Variants in CTNND2 observed in about 807,000 individuals in gnomAD.
CTNND2 encodes catenin delta 2.
CTNND2 carries 22 observed loss-of-function variants against 144.4 expected under a neutral mutation model. The ratio of observed to expected loss-of-function variants is 0.15; its 90% CI spans 0.11 to 0.22. CTNND2 has a LOEUF of 0.22. Among genes scored for constraint, CTNND2 ranks in the 10% least tolerant of loss-of-function variants. CTNND2 has a pLI of 1.00. For synonymous variants in CTNND2, 751 were observed against 695.6 expected, an observed-to-expected ratio of 1.08 and a Z score of -1.25; for missense variants, 1,353 against 1,618.8, an observed-to-expected ratio of 0.84 and a Z score of 2.82.
At chr5:11,081,945 TA>T (rs1375302861) in intron 16 of CTNND2, among the ~76,000 whole-genome samples, 2 of 152,260 alleles carry the variant, frequency 1.3e-5, no homozygotes, top group Admixed American at 1.3e-4. Context: ...TAAATGCCAC[TA>T]AAATGGTAGA....
At chr5:11,518,753 G>C (rs1561505272) in intron 3 of CTNND2, among the ~76,000 whole-genome samples, 1 of 152,108 alleles carries the variant, frequency 6.6e-6, no homozygotes. Flanking sequence ...TGCTGTACAG[G>C]TTTATAGCCT....
intron 1 of CTNND2, among the ~76,000 whole-genome samples, chr5:11,891,707 T>C (rs555906503): frequency 6.6e-6 from 1 of 152,184 alleles, no homozygotes; most frequent in Non-Finnish European, 1.5e-5. Context: ...TCTGCCAGCA[T>C]CTTCATTTTA....
intron 1 of CTNND2, among the ~76,000 whole-genome samples, chr5:11,841,816 A>G (rs1794489033): frequency 1.3e-5 from 2 of 151,650 alleles, no homozygotes; most frequent in South Asian, 4.2e-4. Flanking sequence ...TCCATTCACA[A>G]GAAAGCCTCC....
At chr5:11,238,405 A>T (rs1741865770) in intron 9 of CTNND2, among the ~76,000 whole-genome samples, 1 of 152,216 alleles carries the variant, frequency 6.6e-6, no homozygotes, top group Non-Finnish European at 1.5e-5. Flanking sequence ...CGATGCTGTC[A>T]TCTGGGAAGA....
At chr5:11,323,007 A>T (rs1482927436) in intron 9 of CTNND2, among the ~76,000 whole-genome samples, 2 of 152,132 alleles carry the variant, frequency 1.3e-5, no homozygotes, top group African/African-American at 4.8e-5. Context: ...TATTTCATGA[A>T]TATGTGAGGC....
At chr5:11,480,531 C>A (rs1037975482) in intron 3 of CTNND2, among the ~76,000 whole-genome samples, 1 of 152,088 alleles carries the variant, frequency 6.6e-6, no homozygotes, top group Middle Eastern at 3.2e-3. Context: ...CCAGTGTATT[C>A]TTTTCTAACG....
intron 12 of CTNND2, among the ~76,000 whole-genome samples, chr5:11,139,020 G>A (rs1292264420): frequency 6.6e-6 from 1 of 151,792 alleles, no homozygotes; most frequent in Non-Finnish European, 1.5e-5. Flanking sequence ...GAGTAAAATG[G>A]CACGATCTTG....
chr5:11,585,899 A>G (rs942415254), intron 2 of CTNND2, among the ~76,000 whole-genome samples: 3 of 152,284 alleles, frequency 2.0e-5, no homozygotes, highest in African/African-American at 7.2e-5. Context: ...CAGAAAATGC[A>G]GAATCCAAGT....
intron 1 of CTNND2, among the ~76,000 whole-genome samples, chr5:11,733,165 A>C (rs1223297941): frequency 6.6e-6 from 1 of 152,174 alleles, no homozygotes; most frequent in Non-Finnish European, 1.5e-5. Flanking sequence ...AATTAATAGA[A>C]TCCAACCCAG....
In CTNND2 at chr5:11,773,742, C is replaced by T. The variant is rs1467906030; in HGVS notation, c.38-41470G>A. On this transcript the variant is annotated intron_variant, in intron 1 of 21. Transcript: ENST00000304623. Reference sequence around the variant, plus strand: ...AGAAGAATCGCTTGAACCCGGGAGGCGGAGGTTGCAGTGAGCCAAGATGGT... The same window carrying T: ...AGAAGAATCGCTTGAACCCGGGAGGTGGAGGTTGCAGTGAGCCAAGATGGT... Among the ~76,000 whole-genome samples the T allele has an allele frequency of 7.7e-5, 11 of 143,648 alleles. 1 individual carries two copies. Among genetic ancestry groups the T allele is most frequent in the Admixed American group, 1.5e-4 (2 of 13,602 alleles). The allele number at this position is 143,648 out of a possible 152,430, so 94.2% of individuals were successfully genotyped here.
intron 3 of CTNND2, among the ~76,000 whole-genome samples, chr5:11,488,549 T>C (rs548102988): frequency 2.0e-5 from 3 of 152,354 alleles, no homozygotes; most frequent in East Asian, 3.9e-4. Context: ...AGTAAAAACA[T>C]GATTGAAAAG....
chr5:11,475,274 T>C (rs1033547577), intron 3 of CTNND2, among the ~76,000 whole-genome samples: 2 of 152,224 alleles, frequency 1.3e-5, no homozygotes, highest in Admixed American at 6.5e-5. Context: ...CTTGGTCAAG[T>C]AGCCAGGTTG....
At chr5:11,685,952 C>T (rs1334859644) in intron 2 of CTNND2, among the ~76,000 whole-genome samples, 1 of 152,190 alleles carries the variant, frequency 6.6e-6, no homozygotes, top group Non-Finnish European at 1.5e-5. Flanking sequence ...TGCCAGTAAT[C>T]CCAGCACTTT....
At chr5:11,351,891 T>C (rs1490072672) in intron 8 of CTNND2, among the ~76,000 whole-genome samples, 1 of 152,148 alleles carries the variant, frequency 6.6e-6, no homozygotes, top group African/African-American at 2.4e-5. Flanking sequence ...CAAAAATAGA[T>C]GAGGTGACAA....
chr5:11,168,141 A>G (rs925833493), intron 11 of CTNND2, among the ~76,000 whole-genome samples: 4 of 152,200 alleles, frequency 2.6e-5, no homozygotes, highest in Non-Finnish European at 4.4e-5. Context: ...ATGAAAATCA[A>G]AACTCAGATG....
At chr5:11,100,022 A>T (rs1751734716) in intron 14 of CTNND2, among the ~76,000 whole-genome samples, 1 of 152,222 alleles carries the variant, frequency 6.6e-6, no homozygotes, top group Non-Finnish European at 1.5e-5. Flanking sequence ...TATGAAAAAC[A>T]AAACCATATT....
At chr5:11,778,263 C>G (rs1273201778) in intron 1 of CTNND2, among the ~76,000 whole-genome samples, 4 of 152,086 alleles carry the variant, frequency 2.6e-5, no homozygotes, top group Admixed American at 2.6e-4. Flanking sequence ...CACATCATGT[C>G]TGACTTCATA....
rs1743684241 is a variant in CTNND2, at chr5:11,251,784, T to C, written c.1629-14961A>G. Among the ~76,000 whole-genome samples the C allele has an allele frequency of 2.0e-5, 3 of 152,202 alleles. No individual in the cohort carries two copies. The South Asian group carries it at 6.2e-4, about 32-fold the overall frequency. ...TATACTCAGAATTTCAGAATTTCAATTAAGTGACACAGTAGCTAAGTAAAA... is the reference window on the plus strand; with the variant it reads ...TATACTCAGAATTTCAGAATTTCAACTAAGTGACACAGTAGCTAAGTAAAA... On this transcript the variant is annotated intron_variant, in intron 9 of 21. Transcript: ENST00000304623.
At chr5:11,327,596 A>C (rs1752656519) in intron 9 of CTNND2, among the ~76,000 whole-genome samples, 1 of 152,226 alleles carries the variant, frequency 6.6e-6, no homozygotes, top group Non-Finnish European at 1.5e-5. Context: ...AGGTCAAGTG[A>C]TCCTGGGGCC....
Sources: allele counts gnomAD v4.1 joint callset (sites outside exome capture counted in the v4.1 genomes callset), GRCh38; gene constraint gnomAD v4.1.1; transcripts MANE v1.5; gene names NCBI Gene and HGNC (gene_info 2026-07-23, HGNC 2026-07-21).